The following OSBPL9 variants were observed in gnomAD, a reference collection of about 807,000 sequenced individuals.
OSBPL9 encodes oxysterol-binding protein-related protein 9.
OSBPL9 carries 40 observed loss-of-function variants against 106.6 expected under a neutral mutation model. The ratio of observed to expected loss-of-function variants is 0.38; its 90% CI spans 0.29 to 0.49. The LOEUF is 0.49. OSBPL9 is among the 20% of genes least tolerant of loss of function. OSBPL9 has a pLI of 0.97. For synonymous variants in OSBPL9, 269 were observed against 295.4 expected (o/e 0.91, Z 0.92); for missense variants, 609 against 887.2 (o/e 0.69, Z 3.98).
At chr1:51,654,348 C>G (rs568841135) in intron 2 of OSBPL9, among the ~76,000 whole-genome samples, 2 of 152,222 alleles carry the variant, frequency 1.3e-5, no homozygotes, top group South Asian at 4.2e-4. Flanking sequence ...TAATTTTTAT[C>G]AGAAATAATT....
the OSBPL9 span, among the ~76,000 whole-genome samples, chr1:51,558,264 A>C: frequency 4.9e-4 from 74 of 150,948 alleles, no homozygotes; most frequent in African/African-American, 1.8e-3. Flanking sequence ...TGGGTGACAG[A>C]GCCAGACTCC....
intron 2 of OSBPL9, among the ~76,000 whole-genome samples, chr1:51,653,270 T>C (rs1199942796): frequency 6.6e-6 from 1 of 152,186 alleles, no homozygotes; most frequent in Non-Finnish European, 1.5e-5. Flanking sequence ...AAGCACTTGC[T>C]GTTGACCTCA....
chr1:51,755,260 C>T (rs1670084593), intron 8 of OSBPL9, among the ~76,000 whole-genome samples: 1 of 152,066 alleles, frequency 6.6e-6, no homozygotes, highest in Admixed American at 6.5e-5. Flanking sequence ...GATAAATAAA[C>T]AAATGGTTTA....
chr1:51,787,577 A>G, intron 23 of OSBPL9, 89 bp downstream of exon 23: 7 of 1,603,374 alleles, frequency 4.4e-6, no homozygotes, highest in Non-Finnish European at 6.0e-6. Context: ...AACACTGTTT[A>G]TAAACAAGAT....
At chr1:51,647,189 T>C (rs1448717834) in intron 1 of OSBPL9, among the ~76,000 whole-genome samples, 1 of 152,150 alleles carries the variant, frequency 6.6e-6, no homozygotes, top group Non-Finnish European at 1.5e-5. Context: ...GATCATGTGA[T>C]TTTTGTTCTT....
intron 4 of OSBPL9, chr1:51,740,242 A>G (rs930433312): frequency 2.0e-6 from 3 of 1,492,602 alleles, no homozygotes; most frequent in African/African-American, 1.4e-5. Context: ...TATGCTCTAT[A>G]CTTCTTTCAT....
At chr1:51,680,111 A>G (rs921133357) in intron 3 of OSBPL9, among the ~76,000 whole-genome samples, 1 of 151,848 alleles carries the variant, frequency 6.6e-6, no homozygotes, top group Non-Finnish European at 1.5e-5. Context: ...AAAATTAGCC[A>G]TGTGTCGTGG....
chr1:51,681,766 T>C (rs77085891), intron 3 of OSBPL9, among the ~76,000 whole-genome samples: 1 of 152,236 alleles, frequency 6.6e-6, no homozygotes, highest in East Asian at 1.9e-4. Context: ...CCACACCCCT[T>C]ATATAAAATG....
intron 1 of OSBPL9, among the ~76,000 whole-genome samples, chr1:51,629,056 C>T (rs1644947437): frequency 6.6e-6 from 1 of 152,074 alleles, no homozygotes; most frequent in Admixed American, 6.6e-5. Flanking sequence ...GCCTCAGGGC[C>T]TCTGAATGTT....
At chr1:51,526,591 G>A in the OSBPL9 span, among the ~76,000 whole-genome samples, 2 of 152,056 alleles carry the variant, frequency 1.3e-5, no homozygotes. Context: ...GGGGAAAGTA[G>A]CTCAAAAGAG....
At chr1:51,616,003 G>GTTTTTTTTTTTTTTTTTTTTTT (rs764823727), upstream of OSBPL9, among the ~76,000 whole-genome samples, 1 of 104,496 alleles carries the variant, frequency 9.6e-6, no homozygotes. Context: ...AAATCCTTTG[G>GTTTTTTTTTTTTTTTTTTTTTT]TTTTTTTTTT....
chr1:51,647,861 T>A (rs906826738), intron 1 of OSBPL9, among the ~76,000 whole-genome samples: 1 of 152,182 alleles, frequency 6.6e-6, no homozygotes, highest in African/African-American at 2.4e-5. Context: ...GCACCTGTAG[T>A]CCCAGCACTT....
chr1:51,591,701 A>C (rs1296343229), intron 1 of OSBPL9, among the ~76,000 whole-genome samples: 1 of 152,176 alleles, frequency 6.6e-6, no homozygotes. Flanking sequence ...CTGAGGCAGA[A>C]GAATTGCTTG....
chr1:51,734,353 CT>C (rs1178893664), intron 4 of OSBPL9, among the ~76,000 whole-genome samples: 2 of 152,140 alleles, frequency 1.3e-5, no homozygotes, highest in East Asian at 1.9e-4. Flanking sequence ...GTTTTAAAAT[CT>C]GGTTGTGTTA....
intron 14 of OSBPL9, among the ~76,000 whole-genome samples, chr1:51,775,327 T>A (rs1451044387): frequency 6.6e-6 from 1 of 152,008 alleles, no homozygotes; most frequent in Non-Finnish European, 1.5e-5. Flanking sequence ...CCTCTTCCTA[T>A]CCTTTCCTTG....
chr1:51,674,207 A>C (rs1650627895), intron 3 of OSBPL9, among the ~76,000 whole-genome samples: 1 of 151,942 alleles, frequency 6.6e-6, no homozygotes, highest in Non-Finnish European at 1.5e-5. Flanking sequence ...TACTAAAAAA[A>C]TTAGCCTGCA....
At chr1:51,680,670 A>C (rs1359907930) in intron 3 of OSBPL9, among the ~76,000 whole-genome samples, 1 of 150,676 alleles carries the variant, frequency 6.6e-6, no homozygotes, top group Non-Finnish European at 1.5e-5. Context: ...CAAAAAAAAC[A>C]AAAAAAAACC....
chr1:51,773,942 G>T (rs561445336), intron 14 of OSBPL9, among the ~76,000 whole-genome samples: 2 of 1,970 alleles, frequency 1.0e-3, no homozygotes, highest in African/African-American at 1.8e-3. Flanking sequence ...AGCTGCTGGC[G>T]TTGTTGTTGT....
chr1:51,521,408 G>A, the OSBPL9 span, among the ~76,000 whole-genome samples: 1 of 152,176 alleles, frequency 6.6e-6, no homozygotes, highest in Admixed American at 6.5e-5. Context: ...GAATAAGGTG[G>A]AAACCCTGCC....
Sources: gnomAD v4.1 joint callset for allele counts (sites outside exome capture counted in the v4.1 genomes callset) on GRCh38, gnomAD v4.1.1 for gene constraint, MANE v1.5 for transcripts, NCBI Gene and HGNC (gene_info 2026-07-23, HGNC 2026-07-21) for gene names.